ITM2C: variants seen among roughly 807,000 people sequenced by gnomAD.
ITM2C encodes BRICHOS domain containing 2C.
Under a neutral mutation model 30.0 loss-of-function variants are expected in ITM2C, and 20 were observed. The observed-to-expected ratio is 0.67, with a 90% CI of 0.47 to 0.97. The LOEUF (loss-of-function observed/expected upper bound fraction) is 0.97, where lower values mean the gene tolerates loss of function less well. Ranked by LOEUF, ITM2C falls within the 50% of genes least tolerant of loss-of-function variation. ITM2C has a pLI of 0.00. For synonymous variants in ITM2C, 167 were observed against 156.4 expected, an observed-to-expected ratio of 1.07 and a Z score of -0.51; for missense variants, 366 against 371.9, an observed-to-expected ratio of 0.98 and a Z score of 0.13.
chr2:230,875,375 G>A (rs913582260), intron 2 of ITM2C, among the ~76,000 whole-genome samples: 6 of 152,154 alleles, frequency 3.9e-5, no homozygotes, highest in African/African-American at 1.4e-4. Context: ...CCTCCCTTCC[G>A]TTTGTGAAGC....
chr2:230,868,072 G>A (rs1306726422), intron 1 of ITM2C, among the ~76,000 whole-genome samples: 1 of 152,138 alleles, frequency 6.6e-6, no homozygotes. Flanking sequence ...CAGGCCCAGA[G>A]TGAGGGCGGG....
At chr2:230,864,917 C>A (rs1046158862), upstream of ITM2C, 37 of 1,233,288 alleles carry the variant, frequency 3.0e-5, no homozygotes, top group Admixed American at 3.2e-4. This position sits in a 1 kb window ranked among gnomAD's most constrained non-coding sequence, Gnocchi z 4.3. Context: ...GAGAGAGGGA[C>A]GCGAGCGGGA....
intron 1 of ITM2C, among the ~76,000 whole-genome samples, chr2:230,871,682 A>T (rs1335173555): frequency 6.6e-6 from 1 of 152,246 alleles, no homozygotes; most frequent in Non-Finnish European, 1.5e-5. Context: ...ACACCCACCC[A>T]GCAGGCTCCC....
At chr2:230,876,603 C>T (rs973801054) in intron 3 of ITM2C, among the ~76,000 whole-genome samples, 2 of 152,110 alleles carry the variant, frequency 1.3e-5, no homozygotes, top group Admixed American at 6.5e-5. Flanking sequence ...CGCCTCAGCC[C>T]CCCGAGTAGC....
Position 230,865,308 on chromosome 2 carries a change from G to A in ITM2C, c.120+163G>A. 1 of 703,660 alleles carries A rather than the reference G, an allele frequency of 1.4e-6. No homozygotes were observed. The highest frequency in any genetic ancestry group is 2.0e-6 in the Non-Finnish European group (1 of 499,214). 43.6% of individuals were successfully genotyped at this position (703,660 alleles called of 1,614,324 possible). On this transcript the variant is annotated intron_variant, in intron 1 of 5. Transcript: ENST00000326427. The surrounding 1 kb of genome is among the most constrained non-coding windows in gnomAD (Gnocchi z 6.8). ...ATGGTTGCTTATCCCAGAATGAGGA[G>A]GGGGCTTAAGTCCCGTACTAAAGCG...
intron 1 of ITM2C, among the ~76,000 whole-genome samples, chr2:230,867,891 T>C (rs1697067696): frequency 6.6e-6 from 1 of 152,146 alleles, no homozygotes; most frequent in Non-Finnish European, 1.5e-5. Context: ...ATTCCTGACC[T>C]CAGGTGATCT....
chr2:230,864,924 G>A (rs1238450862), upstream of ITM2C: 12 of 1,247,328 alleles, frequency 9.6e-6, no homozygotes, highest in African/African-American at 4.7e-5. The surrounding 1 kb of genome is among the most constrained non-coding windows in gnomAD (Gnocchi z 4.3). Context: ...GGACGCGAGC[G>A]GGATCCAAAC....
In ITM2C at chr2:230,878,322, G is replaced by T; in HGVS notation, c.*223G>T. ...TGACCTGGGTGTGGCGGAGGGAGAG[G>T]CGATGCTGCAAAGTGTTTTCTGTGT... On this transcript the variant is annotated 3_prime_UTR_variant, in exon 6 of 6. Transcript: ENST00000326427. The surrounding 1 kb of genome is among the most constrained non-coding windows in gnomAD (Gnocchi z 4.5). 1 of 352,396 alleles carries T rather than the reference G, an allele frequency of 2.8e-6. No homozygotes were observed. The highest frequency in any genetic ancestry group is 5.1e-6 in the Non-Finnish European group (1 of 194,456). 21.8% of individuals were successfully genotyped at this position (352,396 alleles called of 1,614,324 possible). A position where few individuals can be genotyped will look rare whatever the true frequency, so the allele number is the denominator to read the frequency against.
intron 1 of ITM2C, among the ~76,000 whole-genome samples, chr2:230,866,100 C>T (rs2125012496): frequency 6.6e-6 from 1 of 152,266 alleles, no homozygotes; most frequent in Non-Finnish European, 1.5e-5. Context: ...GGGCAGAACG[C>T]GTGGCGGGCA....
Position 230,876,926 on chromosome 2 carries a change from C to CT in ITM2C, c.521dup (p.Pro175AlafsTer36), listed in dbSNP as rs1559158913. On this transcript the variant is annotated frameshift_variant, in exon 4 of 6. Coordinates refer to ENST00000326427, the MANE Select transcript of ITM2C (RefSeq NM_030926.6). LOFTEE classifies it high-confidence loss of function. ...CATCGAACTCAACACCACCATTGTG[C>CT]TGCCCCCTCGCAACTTCTGGGAGCT... 6.2e-7 allele frequency: 1 copy of CT among 1,614,004 alleles called. No homozygotes were observed. The highest frequency in any genetic ancestry group is 2.2e-5 in the East Asian group (1 of 44,882).
At chr2:230,873,978 G>T (rs115867028) in intron 2 of ITM2C, among the ~76,000 whole-genome samples, 1 of 152,186 alleles carries the variant, frequency 6.6e-6, no homozygotes, top group Non-Finnish European at 1.5e-5. Context: ...AGGGAGAGGG[G>T]TGGGTACAGA....
At position 230,877,662 on chromosome 2, in the gene ITM2C, A is replaced by G; in HGVS notation, c.712+112A>G. The G allele has an allele frequency of 8.6e-7, 1 of 1,161,682 alleles. No individual in the cohort carries two copies. Among genetic ancestry groups the G allele is most frequent in the South Asian group, 1.4e-5 (1 of 71,386 alleles). 72.0% of individuals were successfully genotyped at this position (1,161,682 alleles called of 1,614,324 possible). A position where few individuals can be genotyped will look rare whatever the true frequency, so the allele number is the denominator to read the frequency against. ...TCAGATAGCAGCAGCAATAACAGCT[A>G]GCATTAGCAGAGCACTTCCGTGTGC... On this transcript the variant is annotated intron_variant, in intron 5 of 5. Transcript: ENST00000326427. The surrounding 1 kb of genome is among the most constrained non-coding windows in gnomAD (Gnocchi z 4.8).
upstream of ITM2C, chr2:230,864,841 C>T: frequency 4.7e-6 from 3 of 640,346 alleles, no homozygotes; most frequent in Non-Finnish European, 6.4e-6. This position sits in a 1 kb window ranked among gnomAD's most constrained non-coding sequence, Gnocchi z 4.3. Flanking sequence ...GGGAAGGGGG[C>T]GCAGGCGCGG....
Position 230,865,115 on chromosome 2 carries a change from G to A in ITM2C, c.90G>A (p.Ser30=), listed in dbSNP as rs1696993230. 6.6e-7 allele frequency: 1 copy of A among 1,504,520 alleles called. No homozygotes were observed. Among genetic ancestry groups the A allele is most frequent in the Non-Finnish European group, 8.9e-7 (1 of 1,120,714 alleles). The allele number at this position is 1,504,520 out of a possible 1,614,324, so 93.2% of individuals were successfully genotyped here. Residue 30 remains serine (S), a synonymous_variant, in exon 1 of 6, where the codon TCG becomes TCA. Coordinates refer to ENST00000326427, the MANE Select transcript of ITM2C (RefSeq NM_030926.6). The surrounding 1 kb of genome is among the most constrained non-coding windows in gnomAD (Gnocchi z 6.8). ...KASASAPAPA[S]ATEILLTPAR... Reference sequence around the variant, plus strand: ...CGGCGTCGGCCCCTGCGCCGGCCTCGGCCACCGAGATCCTGCTGACGCCGG... The same window carrying A: ...CGGCGTCGGCCCCTGCGCCGGCCTCAGCCACCGAGATCCTGCTGACGCCGG...
At chr2:230,867,385 C>T (rs1697053316) in intron 1 of ITM2C, among the ~76,000 whole-genome samples, 1 of 152,206 alleles carries the variant, frequency 6.6e-6, no homozygotes, top group African/African-American at 2.4e-5. Context: ...ACATTTCCTC[C>T]TTACCCAGTT....
At position 230,865,031 on chromosome 2, in the gene ITM2C, G is replaced by A. The variant is rs941602669; in HGVS notation, c.6G>A (p.Val2=). The A allele has an allele frequency of 2.6e-6, 4 of 1,517,128 alleles. No individual in the cohort carries two copies. The highest frequency in any genetic ancestry group is 1.4e-5 in the African/African-American group (1 of 70,388). The allele number at this position is 1,517,128 out of a possible 1,614,324, so 94.0% of individuals were successfully genotyped here. M[V]KISFQPAVAG... ...ACGCGCGGGCCGGCGCAGCCATGGT[G>A]AAGATTAGCTTCCAGCCCGCCGTGG... is the stretch of plus-strand genomic sequence containing the variant. The change falls in exon 1 of 6, where the codon GTG becomes GTA. Residue 2 remains valine (V), a synonymous_variant. Coordinates refer to ENST00000326427, the MANE Select transcript of ITM2C (RefSeq NM_030926.6). The surrounding 1 kb of genome is among the most constrained non-coding windows in gnomAD (Gnocchi z 6.8).
chr2:230,872,046 G>A (rs74578992), intron 1 of ITM2C, among the ~76,000 whole-genome samples: 2,782 of 152,322 alleles, frequency 0.018, 35 homozygotes, highest in Non-Finnish European at 0.027. Context: ...ATCCCAGAAC[G>A]CCTGGCCGGA....
At chr2:230,868,487 ATG>A (rs1297587347) in intron 1 of ITM2C, among the ~76,000 whole-genome samples, 2 of 149,556 alleles carry the variant, frequency 1.3e-5, no homozygotes, top group Admixed American at 1.3e-4. Context: ...ACACACACTT[ATG>A]CACACACATG....
At position 230,877,175 on chromosome 2, in the gene ITM2C, G is replaced by A. The variant is rs528240348; in HGVS notation, c.561+208G>A. On this transcript the variant is annotated intron_variant, in intron 4 of 5. Coordinates refer to ENST00000326427, the MANE Select transcript of ITM2C (RefSeq NM_030926.6). This position sits in a 1 kb window ranked among gnomAD's most constrained non-coding sequence, Gnocchi z 4.8. The stretch of plus-strand genomic sequence containing the variant: ...TCTCCAGAGTCAATGCCCCGAGACC[G>A]GCTTCCTTAGTGTTCAAGGTTGTAC... Among the ~76,000 whole-genome samples the A allele has an allele frequency of 5.3e-5, 8 of 152,264 alleles. No individual in the cohort carries two copies. The highest frequency in any genetic ancestry group is 3.9e-4 in the Admixed American group (6 of 15,294).
Sources: allele counts gnomAD v4.1 joint callset (sites outside exome capture counted in the v4.1 genomes callset), GRCh38; gene constraint gnomAD v4.1.1; non-coding constraint Gnocchi (gnomAD v3.1); transcripts MANE v1.5; gene names NCBI Gene and HGNC (gene_info 2026-07-23, HGNC 2026-07-21).